KCNC1: variants seen among roughly 807,000 people sequenced by gnomAD.
The protein encoded by KCNC1 is potassium voltage-gated channel subfamily C member 1, also known as voltage-gated potassium channel KCNC1.
Under a neutral mutation model 43.4 loss-of-function variants are expected in KCNC1, and 8 were observed. That is an observed-to-expected ratio of 0.18 (90% CI 0.11 to 0.33). The LOEUF (loss-of-function observed/expected upper bound fraction) is 0.33. KCNC1 is among the 10% of genes least tolerant of loss of function. KCNC1 has a pLI of 1.00. For synonymous variants in KCNC1, 361 were observed against 360.5 expected (o/e 1.00, Z -0.01); for missense variants, 420 against 836.0 (o/e 0.50, Z 6.14).
rs1849255616 is a variant in KCNC1, at chr11:17,773,575, G to T, written c.1504+977G>T. The T allele has an allele frequency of 3.0e-6, 3 of 985,020 alleles. No individual in the cohort carries two copies. Among genetic ancestry groups the T allele is most frequent in the Non-Finnish European group, 3.6e-6 (3 of 829,910 alleles). The allele number at this position is 985,020 out of a possible 1,614,324, so 61.0% of individuals were successfully genotyped here. A position where few individuals can be genotyped will look rare whatever the true frequency, so the allele number is the denominator to read the frequency against. On this transcript the variant is annotated intron_variant, in intron 2 of 3. Transcript: ENST00000265969. The surrounding 1 kb of genome is among the most constrained non-coding windows in gnomAD (Gnocchi z 4.1). ...ACTGGGGGCCGGGAGGGGGGAGGGGGGCATGAAACAATACTAGTCACCGTG... is the reference window on the plus strand; with the variant it reads ...ACTGGGGGCCGGGAGGGGGGAGGGGTGCATGAAACAATACTAGTCACCGTG...
chr11:17,745,798 G>C (rs971582597), intron 1 of KCNC1, among the ~76,000 whole-genome samples: 1 of 152,112 alleles, frequency 6.6e-6, no homozygotes, highest in African/African-American at 2.4e-5. Flanking sequence ...ACCCCCTCCA[G>C]GTCTATACTC....
At chr11:17,740,453 A>G (rs1848825149) in intron 1 of KCNC1, among the ~76,000 whole-genome samples, 1 of 152,030 alleles carries the variant, frequency 6.6e-6, no homozygotes, top group South Asian at 2.1e-4. Flanking sequence ...GGGGGGTCAT[A>G]GAGGTGTGAG....
chr11:17,781,562 G>T lies in KCNC1; in HGVS notation c.1694-108G>T. ...GCTGGAGAAGAATCTGCCTGCCTCT[G>T]CATGCGGCTGTTCTGTCTTTCCTCC... On this transcript the variant is annotated intron_variant, in intron 3 of 3. Coordinates refer to ENST00000265969, the MANE Select transcript of KCNC1 (RefSeq NM_001112741.2). The surrounding 1 kb of genome is among the most constrained non-coding windows in gnomAD (Gnocchi z 5.1). 1 of 773,676 alleles carries T rather than the reference G, an allele frequency of 1.3e-6. No homozygotes were observed. Among genetic ancestry groups the T allele is most frequent in the Non-Finnish European group, 2.2e-6 (1 of 459,394 alleles). 47.9% of individuals were successfully genotyped at this position (773,676 alleles called of 1,614,324 possible).
intron 1 of KCNC1, among the ~76,000 whole-genome samples, chr11:17,752,197 G>T (rs1182543347): frequency 6.6e-6 from 1 of 152,134 alleles, no homozygotes; most frequent in African/African-American, 2.4e-5. Flanking sequence ...TTCTGGCCTG[G>T]AGCAGATTCT....
At chr11:17,760,431 G>A (rs1394951994) in intron 1 of KCNC1, among the ~76,000 whole-genome samples, 1 of 152,168 alleles carries the variant, frequency 6.6e-6, no homozygotes, top group East Asian at 1.9e-4. Context: ...ACCCCCGTTA[G>A]CCTCCGTATT....
intron 1 of KCNC1, among the ~76,000 whole-genome samples, chr11:17,744,695 T>C (rs1369118758): frequency 1.3e-5 from 2 of 151,562 alleles, no homozygotes; most frequent in East Asian, 1.9e-4. Context: ...ACTTCTATGG[T>C]GTAGGGCTGC....
chr11:17,773,869 A>G lies in KCNC1; in HGVS notation c.1504+1271A>G, dbSNP rs1408844013. The stretch of plus-strand genomic sequence containing the variant: ...TGACGTGACAGGTGGCATTTAGTCT[A>G]TGAAGGACCTCCCCATGCCCAGGTC... On this transcript the variant is annotated intron_variant, in intron 2 of 3. Transcript: ENST00000265969. The surrounding 1 kb of genome is among the most constrained non-coding windows in gnomAD (Gnocchi z 4.1). 7 of 985,374 alleles carry G rather than the reference A, an allele frequency of 7.1e-6. No homozygotes were observed. In the African/African-American group the frequency reaches 8.7e-5, roughly 12 times the overall value. 61.0% of individuals were successfully genotyped at this position (985,374 alleles called of 1,614,324 possible). A position where few individuals can be genotyped will look rare whatever the true frequency, so the allele number is the denominator to read the frequency against.
chr11:17,749,052 G>C (rs576958584), intron 1 of KCNC1, among the ~76,000 whole-genome samples: 68 of 152,332 alleles, frequency 4.5e-4, no homozygotes, highest in African/African-American at 1.6e-3. Context: ...CTCACTGCAG[G>C]TGTGCCGGGA....
chr11:17,757,180 G>A (rs1435022168), intron 1 of KCNC1, among the ~76,000 whole-genome samples: 1 of 151,356 alleles, frequency 6.6e-6, no homozygotes, highest in Non-Finnish European at 1.5e-5. Flanking sequence ...GTGGTTATGA[G>A]GATTAAAAAG....
chr11:17,759,737 A>G (rs1367446912), intron 1 of KCNC1, among the ~76,000 whole-genome samples: 1 of 152,238 alleles, frequency 6.6e-6, no homozygotes, highest in Non-Finnish European at 1.5e-5. Flanking sequence ...GCCATCTTAT[A>G]CGGGTGTGAT....
At position 17,766,199 on chromosome 11, in the gene KCNC1, G is replaced by C. The variant is rs559797018; in HGVS notation, c.571-5466G>C. 2.6e-5 allele frequency among the ~76,000 whole-genome samples: 4 copies of C among 152,326 alleles called. No individual in the cohort carries two copies. The South Asian group carries it at 8.3e-4, about 32-fold the overall frequency. On this transcript the variant is annotated intron_variant, in intron 1 of 3. Transcript: ENST00000265969. Reference sequence around the variant, plus strand: ...GTATGCACGAGTGGTGCGTGTGTGCGCCTTGCAGTGCAGCACCCAAGTGTT... The same window carrying C: ...GTATGCACGAGTGGTGCGTGTGTGCCCCTTGCAGTGCAGCACCCAAGTGTT...
intron 1 of KCNC1, among the ~76,000 whole-genome samples, chr11:17,751,738 A>C (rs1424184495): frequency 6.6e-6 from 1 of 152,234 alleles, no homozygotes; most frequent in African/African-American, 2.4e-5. Context: ...TGTGGCCGGC[A>C]AGCCCTCAGG....
chr11:17,772,357 G>A lies in KCNC1; in HGVS notation c.1263G>A (p.Ala421=), dbSNP rs915600389. The A allele has an allele frequency of 3.0e-5, 49 of 1,614,006 alleles. No individual in the cohort carries two copies. The highest frequency in any genetic ancestry group is 1.6e-4 in the Middle Eastern group (1 of 6,084). The change falls in exon 2 of 4, where the codon GCG becomes GCA. Residue 421 remains alanine, a synonymous_variant. Coordinates refer to ENST00000265969, the MANE Select transcript of KCNC1 (RefSeq NM_001112741.2). ...GCATGCTGGTGGGGGCTCTGTGTGC[G>A]CTGGCGGGCGTGCTCACCATCGCCA... ...WSGMLVGALC[A]LAGVLTIAMP... is the part of the protein sequence containing the mutation.
At chr11:17,767,320 A>T (rs1021910279) in intron 1 of KCNC1, among the ~76,000 whole-genome samples, 3 of 151,360 alleles carry the variant, frequency 2.0e-5, no homozygotes, top group Non-Finnish European at 4.4e-5. Context: ...AGAAAAGAAA[A>T]GAAAGAAAAA....
intron 1 of KCNC1, among the ~76,000 whole-genome samples, chr11:17,747,772 C>T (rs1020892369): frequency 1.3e-5 from 2 of 152,186 alleles, no homozygotes; most frequent in African/African-American, 4.8e-5. Context: ...TCTCTCAAGC[C>T]TCTGCAGGGC....
Position 17,743,884 on chromosome 11 carries a change from G to A in KCNC1, c.570+7312G>A, listed in dbSNP as rs75933437. Among the ~76,000 whole-genome samples, 803 of 152,302 alleles carry A rather than the reference G, an allele frequency of 5.3e-3. 11 individuals are homozygous for A. Among genetic ancestry groups the A allele is most frequent in the African/African-American group, 0.019 (780 of 41,562 alleles). ...CCTGGCTGCTCCTGCCCTCGCTGAC[G>A]TCATGTTTTTGGGAGTGAGGGGTAT... On this transcript the variant is annotated intron_variant, in intron 1 of 3. Transcript: ENST00000265969.
At chr11:17,747,127 G>A (rs1848909028) in intron 1 of KCNC1, among the ~76,000 whole-genome samples, 1 of 152,118 alleles carries the variant, frequency 6.6e-6, no homozygotes, top group Non-Finnish European at 1.5e-5. Flanking sequence ...CACCTACCGT[G>A]GTCCCTGGGG....
At chr11:17,774,656 A>C in intron 2 of KCNC1, 1 of 985,410 alleles carries the variant, frequency 1.0e-6, no homozygotes, top group South Asian at 4.7e-5. Flanking sequence ...TGCTTTTGAG[A>C]GCCACTTTGC....
chr11:17,772,704 C>A, intron 2 of KCNC1, 106 bp downstream of exon 2: 1 of 1,531,136 alleles, frequency 6.5e-7, no homozygotes, highest in African/African-American at 1.4e-5. Context: ...TGGGTGACCC[C>A]GGACCCCGCA....
Sources: allele counts gnomAD v4.1 joint callset (sites outside exome capture counted in the v4.1 genomes callset), GRCh38; gene constraint gnomAD v4.1.1; non-coding constraint Gnocchi (gnomAD v3.1); transcripts MANE v1.5; gene names NCBI Gene and HGNC (gene_info 2026-07-23, HGNC 2026-07-21).